Variants in FHAD1 observed in about 807,000 individuals in gnomAD.
FHAD1 encodes the protein forkhead associated phosphopeptide binding domain 1.
Under a neutral mutation model 191.3 loss-of-function variants are expected in FHAD1, and 146 were observed. The observed-to-expected ratio is 0.76, with a 90% confidence interval of 0.67 to 0.88. The LOEUF (loss-of-function observed/expected upper bound fraction) is 0.88. Ranked by LOEUF, FHAD1 falls within the 40% of genes least tolerant of loss-of-function variation. The pLI is 0.00. For missense variants in FHAD1, 1,635 were observed against 1,785.8 expected (o/e 0.92, Z 1.52); for synonymous variants, 616 against 672.3 (o/e 0.92, Z 1.29).
intron 19 of FHAD1, among the ~76,000 whole-genome samples, chr1:15,349,921 C>G (rs531383006): frequency 1.3e-5 from 2 of 152,300 alleles, no homozygotes; most frequent in South Asian, 4.1e-4. Context: ...TCAGGTCAGC[C>G]TGGACACCCA....
At chr1:15,374,849 T>G (rs934745566) in intron 27 of FHAD1, among the ~76,000 whole-genome samples, 4 of 95,650 alleles carry the variant, frequency 4.2e-5, no homozygotes, top group South Asian at 3.3e-4. Context: ...CTATTGTACG[T>G]TTTTTTTTTT....
At chr1:15,370,563 G>T (rs552134687) in intron 26 of FHAD1, among the ~76,000 whole-genome samples, 135 of 152,236 alleles carry the variant, frequency 8.9e-4, no homozygotes, top group African/African-American at 3.1e-3. Context: ...CTGCCTTCCC[G>T]AAGAGCCACG....
rs140548719 is a variant in FHAD1, at chr1:15,271,731, A to G, written c.94-592A>G. On this transcript the variant is annotated intron_variant, in intron 2 of 33. Coordinates refer to ENST00000688493, the MANE Select transcript of FHAD1 (RefSeq NM_001391957.1). ...AAAATTTAAAAGGACGTAAGCATAGAAAAAAAACGTGGAAGGATGTGAACC... is the reference window on the plus strand; with the variant it reads ...AAAATTTAAAAGGACGTAAGCATAGGAAAAAAACGTGGAAGGATGTGAACC... Among the ~76,000 whole-genome samples the G allele has an allele frequency of 4.3e-3, 653 of 152,012 alleles. 6 individuals carry two copies. The highest frequency in any genetic ancestry group is 0.015 in the African/African-American group (610 of 41,470).
At chr1:15,290,472 G>A (rs971677909) in intron 4 of FHAD1, among the ~76,000 whole-genome samples, 10 of 152,030 alleles carry the variant, frequency 6.6e-5, no homozygotes, top group Non-Finnish European at 1.2e-4. Context: ...ATCTCCCAGC[G>A]GCTTCCATAT....
At chr1:15,264,470 T>C (rs1384707009) in intron 2 of FHAD1, among the ~76,000 whole-genome samples, 2 of 152,114 alleles carry the variant, frequency 1.3e-5, no homozygotes, top group Non-Finnish European at 2.9e-5. Flanking sequence ...CACTGATTTT[T>C]GCATGCTGAT....
chr1:15,237,384 C>T (rs2100445792), intron 1 of FHAD1, among the ~76,000 whole-genome samples: 1 of 152,306 alleles, frequency 6.6e-6, no homozygotes, highest in African/African-American at 2.4e-5. Flanking sequence ...CCCACTGCTC[C>T]TTCCTCCTGC....
intron 3 of FHAD1, among the ~76,000 whole-genome samples, chr1:15,286,098 G>T (rs1390382786): frequency 6.6e-6 from 1 of 152,156 alleles, no homozygotes; most frequent in Non-Finnish European, 1.5e-5. Flanking sequence ...TTTGCAAGAT[G>T]AAAAAGTTCT....
In FHAD1 at chr1:15,316,563, G is replaced by C; in HGVS notation, c.1260+96G>C. 2 of 948,766 alleles carry C rather than the reference G, an allele frequency of 2.1e-6. No individual in the cohort carries two copies. Among genetic ancestry groups the C allele is most frequent in the Non-Finnish European group, 3.3e-6 (2 of 615,246 alleles). 58.8% of individuals were successfully genotyped at this position (948,766 alleles called of 1,614,324 possible). A position where few individuals can be genotyped will look rare whatever the true frequency, so the allele number is the denominator to read the frequency against. ...ATCCTGGGCCATCACTAAGCATGAA[G>C]CTCTGGGGCTCTGTGCTTGCTTGTT... On this transcript the variant is annotated intron_variant, in intron 9 of 33. Coordinates refer to ENST00000688493, the MANE Select transcript of FHAD1 (RefSeq NM_001391957.1). This position sits in a 1 kb window ranked among gnomAD's most constrained non-coding sequence, Gnocchi z 4.3.
In FHAD1 at chr1:15,349,037, T is replaced by C. The variant is rs1689910504; in HGVS notation, c.2347-5T>C. The C allele has an allele frequency of 6.5e-7, 1 of 1,549,390 alleles. No homozygotes were observed. Among genetic ancestry groups the C allele is most frequent in the African/African-American group, 1.4e-5 (1 of 72,822 alleles). On this transcript the variant is annotated splice_polypyrimidine_tract_variant and splice_region_variant and intron_variant, in intron 18 of 33. Coordinates refer to ENST00000688493, the MANE Select transcript of FHAD1 (RefSeq NM_001391957.1). Reference sequence around the variant, plus strand: ...CCACCAAGAGCACTGGTCGTTGATTTTCAGGTTTTGGAGAGCAGCATAGCC... The same window carrying C: ...CCACCAAGAGCACTGGTCGTTGATTCTCAGGTTTTGGAGAGCAGCATAGCC...
At chr1:15,238,346 C>G (rs1458071478) in intron 1 of FHAD1, among the ~76,000 whole-genome samples, 1 of 150,824 alleles carries the variant, frequency 6.6e-6, no homozygotes. Flanking sequence ...AGAGAGGTGA[C>G]AAGGGCTGAG....
intron 2 of FHAD1, among the ~76,000 whole-genome samples, chr1:15,261,113 G>A (rs1196334811): frequency 1.3e-5 from 2 of 152,178 alleles, no homozygotes; most frequent in African/African-American, 4.8e-5. Context: ...GCTATCATTT[G>A]TGTTATTGTG....
intron 26 of FHAD1, among the ~76,000 whole-genome samples, chr1:15,372,300 C>T (rs928670546): frequency 3.9e-5 from 6 of 152,152 alleles, no homozygotes; most frequent in African/African-American, 9.7e-5. Flanking sequence ...TAGGAGGCCA[C>T]GGGCCCTGTT....
chr1:15,254,945 A>C (rs1258312428), intron 2 of FHAD1, among the ~76,000 whole-genome samples: 4 of 152,214 alleles, frequency 2.6e-5, no homozygotes, highest in African/African-American at 9.6e-5. Flanking sequence ...ATATTTTATA[A>C]GACAAGATAA....
At chr1:15,346,539 C>T (rs576867330) in intron 18 of FHAD1, among the ~76,000 whole-genome samples, 6 of 152,292 alleles carry the variant, frequency 3.9e-5, no homozygotes, top group African/African-American at 1.4e-4. Context: ...AGGGAGGTGG[C>T]CAGAACCACT....
intron 26 of FHAD1, among the ~76,000 whole-genome samples, chr1:15,373,950 C>A (rs1282968735): frequency 6.6e-6 from 1 of 152,146 alleles, no homozygotes; most frequent in African/African-American, 2.4e-5. Flanking sequence ...TAGTGGCCAC[C>A]ATATTGGACA....
At chr1:15,305,913 G>A (rs1463521407) in intron 6 of FHAD1, 6 of 242,632 alleles carry the variant, frequency 2.5e-5, no homozygotes, top group African/African-American at 1.2e-4. Flanking sequence ...GGTACCAATA[G>A]AGTGGGGCAT....
At chr1:15,298,043 A>G (rs2100814530) in intron 5 of FHAD1, among the ~76,000 whole-genome samples, 1 of 152,328 alleles carries the variant, frequency 6.6e-6, no homozygotes, top group Non-Finnish European at 1.5e-5. Flanking sequence ...TACCCAGAGG[A>G]AAAACAGTCA....
At chr1:15,298,083 G>T (rs1353079970) in intron 5 of FHAD1, among the ~76,000 whole-genome samples, 2 of 152,194 alleles carry the variant, frequency 1.3e-5, no homozygotes, top group African/African-American at 4.8e-5. Flanking sequence ...GCACATGCCT[G>T]TTAATAGCAG....
chr1:15,275,391 C>T (rs564427943), intron 3 of FHAD1, among the ~76,000 whole-genome samples: 6 of 152,330 alleles, frequency 3.9e-5, no homozygotes, highest in South Asian at 4.1e-4. Context: ...CTGGCCCATG[C>T]CCAGAGTACC....
Sources: gnomAD v4.1 joint callset for allele counts (sites outside exome capture counted in the v4.1 genomes callset) on GRCh38, gnomAD v4.1.1 for gene constraint, Gnocchi (gnomAD v3.1) non-coding constraint, MANE v1.5 for transcripts, NCBI Gene and HGNC (gene_info 2026-07-23, HGNC 2026-07-21) for gene names.